Variants in NOS1AP observed in about 807,000 individuals in gnomAD.
NOS1AP encodes carboxyl-terminal PDZ ligand of neuronal nitric oxide synthase protein.
A neutral mutation model predicts 56.2 loss-of-function variants in NOS1AP; 21 were observed. The ratio of observed to expected loss-of-function variants is 0.37; its 90% CI spans 0.26 to 0.54. NOS1AP has a LOEUF of 0.54. Among genes scored for constraint, NOS1AP ranks in the 20% least tolerant of loss-of-function variants. The pLI is 0.84. For synonymous variants in NOS1AP, 270 were observed against 274.6 expected, an observed-to-expected ratio of 0.98 and a Z score of 0.17; for missense variants, 522 against 657.8, an observed-to-expected ratio of 0.79 and a Z score of 2.26.
At chr1:162,197,702 C>T (rs945575884) in intron 2 of NOS1AP, among the ~76,000 whole-genome samples, 22 of 152,150 alleles carry the variant, frequency 1.4e-4, no homozygotes, top group African/African-American at 3.9e-4. Context: ...GGCTAGGCCT[C>T]GCACCTGATC....
At chr1:162,296,725 T>A (rs1465423026) in intron 3 of NOS1AP, among the ~76,000 whole-genome samples, 2 of 152,236 alleles carry the variant, frequency 1.3e-5, no homozygotes, top group Admixed American at 1.3e-4. Flanking sequence ...TTCCTTTTAA[T>A]GAATGTCTTA....
intron 4 of NOS1AP, among the ~76,000 whole-genome samples, chr1:162,302,850 G>A (rs931887229): frequency 6.6e-6 from 1 of 152,044 alleles, no homozygotes; most frequent in South Asian, 2.1e-4. Flanking sequence ...AAGCGACCAC[G>A]ATCTCCTTTC....
intron 2 of NOS1AP, among the ~76,000 whole-genome samples, chr1:162,199,595 C>CGTGTGT (rs58625856): frequency 0.017 from 2,275 of 131,690 alleles, 41 homozygotes; most frequent in Non-Finnish European, 0.024. Flanking sequence ...GCATGGATTG[C>CGTGTGT]GTGTGTGTGT....
intron 1 of NOS1AP, among the ~76,000 whole-genome samples, chr1:162,113,093 G>A (rs1169553292): frequency 1.3e-5 from 2 of 152,150 alleles, no homozygotes; most frequent in East Asian, 1.9e-4. Flanking sequence ...GGGATAGGGG[G>A]TTACTGAGGG....
At chr1:162,131,594 T>C (rs1473495698) in intron 1 of NOS1AP, among the ~76,000 whole-genome samples, 1 of 151,944 alleles carries the variant, frequency 6.6e-6, no homozygotes, top group African/African-American at 2.4e-5. Flanking sequence ...CAAAGTGCAA[T>C]GTCCTTGCAG....
intron 2 of NOS1AP, among the ~76,000 whole-genome samples, chr1:162,270,203 G>C (rs1369605367): frequency 6.6e-6 from 1 of 152,156 alleles, no homozygotes; most frequent in Non-Finnish European, 1.5e-5. Context: ...CCCCATGGGA[G>C]ACAAGTGGCC....
chr1:162,205,247 T>A (rs929921188), intron 2 of NOS1AP, among the ~76,000 whole-genome samples: 2 of 152,260 alleles, frequency 1.3e-5, no homozygotes, highest in African/African-American at 4.8e-5. Context: ...TGAGCCTGAA[T>A]ACATATCACT....
intron 2 of NOS1AP, among the ~76,000 whole-genome samples, chr1:162,179,099 C>T (rs1651165926): frequency 6.6e-6 from 1 of 151,970 alleles, no homozygotes; most frequent in Admixed American, 6.6e-5. Context: ...TGTGGCATCT[C>T]TCCTTTCTTT....
chr1:162,154,906 G>A (rs1380283455), intron 2 of NOS1AP, among the ~76,000 whole-genome samples: 2 of 152,056 alleles, frequency 1.3e-5, no homozygotes, highest in Admixed American at 6.6e-5. Flanking sequence ...CACCCACCTC[G>A]GCCTCCCAAA....
intron 8 of NOS1AP, chr1:162,364,880 G>A: frequency 5.0e-6 from 5 of 994,486 alleles, no homozygotes; most frequent in Non-Finnish European, 6.0e-6. Context: ...GTGAGTGGGA[G>A]AGGGAGAAAG....
intron 2 of NOS1AP, among the ~76,000 whole-genome samples, chr1:162,268,220 TG>T (rs1421740346): frequency 6.6e-6 from 1 of 150,476 alleles, no homozygotes; most frequent in African/African-American, 2.5e-5. Flanking sequence ...GATCGTGTCA[TG>T]CTAGCCTGAG....
intron 2 of NOS1AP, among the ~76,000 whole-genome samples, chr1:162,203,898 C>T (rs1017161926): frequency 6.6e-6 from 1 of 152,164 alleles, no homozygotes; most frequent in Admixed American, 6.5e-5. Flanking sequence ...CACCAAGGGT[C>T]AGCCCATAAA....
At chr1:162,085,728 G>A (rs1691986894) in intron 1 of NOS1AP, among the ~76,000 whole-genome samples, 1 of 152,142 alleles carries the variant, frequency 6.6e-6, no homozygotes, top group Non-Finnish European at 1.5e-5. Flanking sequence ...AGTGTTGAAG[G>A]CCAGAGAGAG....
intron 1 of NOS1AP, among the ~76,000 whole-genome samples, chr1:162,105,776 A>G (rs777086527): frequency 6.6e-6 from 1 of 152,226 alleles, no homozygotes; most frequent in African/African-American, 2.4e-5. Flanking sequence ...GACGGAGTCT[A>G]CCAAACCACA....
At chr1:162,092,031 G>T (rs1422053990) in intron 1 of NOS1AP, among the ~76,000 whole-genome samples, 4 of 152,088 alleles carry the variant, frequency 2.6e-5, no homozygotes, top group Admixed American at 1.3e-4. Context: ...CAGATGAGGG[G>T]GACTGAAGTA....
chr1:162,212,709 C>G (rs1439425624), intron 2 of NOS1AP, among the ~76,000 whole-genome samples: 1 of 152,128 alleles, frequency 6.6e-6, no homozygotes, highest in African/African-American at 2.4e-5. Flanking sequence ...GCTGTGGATG[C>G]AGGCCTAGAA....
chr1:162,081,738 C>CTATATATA (rs1558090478), intron 1 of NOS1AP, among the ~76,000 whole-genome samples: 1 of 88,230 alleles, frequency 1.1e-5, no homozygotes, highest in African/African-American at 4.0e-5. Context: ...ATCTATATAT[C>CTATATATA]TATATCTATA....
chr1:162,143,731 G>A lies in NOS1AP; in HGVS notation c.106-10674G>A, dbSNP rs56688456. 3.8e-3 allele frequency among the ~76,000 whole-genome samples: 571 copies of A among 152,216 alleles called. 4 individuals are homozygous for A. The highest frequency in any genetic ancestry group is 0.013 in the African/African-American group (544 of 41,528). ...CCCACCTCGGCCTCTCAAAGTGCTGGGATTTCAGGAGTGAGCCATCATGTC... is the reference window on the plus strand; with the variant it reads ...CCCACCTCGGCCTCTCAAAGTGCTGAGATTTCAGGAGTGAGCCATCATGTC... On this transcript the variant is annotated intron_variant, in intron 1 of 9. Transcript: ENST00000361897.
In NOS1AP at chr1:162,314,070, G is replaced by C. The variant is rs545269639; in HGVS notation, c.344+13364G>C. On this transcript the variant is annotated intron_variant, in intron 4 of 9. Coordinates refer to ENST00000361897, the MANE Select transcript of NOS1AP (RefSeq NM_014697.3). ...AAGCTGGGGCAGCCTTGATTTGCTTGTTTGCTGCACTAAAATATTCATCTC... is the reference window on the plus strand; with the variant it reads ...AAGCTGGGGCAGCCTTGATTTGCTTCTTTGCTGCACTAAAATATTCATCTC... 5.9e-5 allele frequency among the ~76,000 whole-genome samples: 9 copies of C among 152,290 alleles called. No individual in the cohort carries two copies. In the South Asian group the frequency reaches 1.9e-3, roughly 32 times the overall value.
Sources: gnomAD v4.1 joint callset for allele counts (sites outside exome capture counted in the v4.1 genomes callset) on GRCh38, gnomAD v4.1.1 for gene constraint, MANE v1.5 for transcripts, NCBI Gene and HGNC (gene_info 2026-07-23, HGNC 2026-07-21) for gene names.